Variants in MPRIP observed in about 807,000 individuals in gnomAD.
MPRIP encodes the protein myosin phosphatase Rho-interacting protein.
A neutral mutation model predicts 234.9 loss-of-function variants in MPRIP; 59 were observed. The observed-to-expected ratio is 0.25, with a 90% CI of 0.20 to 0.31. MPRIP has a LOEUF of 0.31. Ranked by LOEUF, MPRIP falls within the 10% of genes least tolerant of loss-of-function variation. The probability of loss-of-function intolerance (pLI) is 1.00; values close to 1 mark genes in which losing one functional copy is unlikely to be tolerated. For synonymous variants in MPRIP, 1,144 were observed against 1,263.9 expected, an observed-to-expected ratio of 0.91 and a Z score of 2.01; for missense variants, 2,436 against 3,071.0, an observed-to-expected ratio of 0.79 and a Z score of 4.89.
chr17:17,045,877 C>T (rs560261341), intron 1 of MPRIP, among the ~76,000 whole-genome samples: 1 of 150,798 alleles, frequency 6.6e-6, no homozygotes, highest in Non-Finnish European at 1.5e-5. Flanking sequence ...GCGATCTGAG[C>T]TCACTGCAAG....
chr17:17,067,755 G>A (rs1380053486), intron 1 of MPRIP, among the ~76,000 whole-genome samples: 1 of 139,754 alleles, frequency 7.2e-6, no homozygotes, highest in Non-Finnish European at 1.5e-5. Flanking sequence ...TTCATAAAAT[G>A]AATTGGAAAG....
At chr17:17,184,758 G>A in intron 23 of MPRIP, 65 bp from the exon 24 acceptor site, 1 of 1,328,982 alleles carries the variant, frequency 7.5e-7, no homozygotes, top group Non-Finnish European at 1.1e-6. Context: ...GTCTGGTCCG[G>A]TCCGGTCCAG....
intron 3 of MPRIP, among the ~76,000 whole-genome samples, chr17:17,084,563 G>A (rs1332625812): frequency 6.6e-6 from 1 of 152,256 alleles, no homozygotes; most frequent in East Asian, 1.9e-4. Flanking sequence ...TGTAGGCAAG[G>A]CAGACTCCTG....
At chr17:17,140,217 G>A (rs556219510) in intron 7 of MPRIP, among the ~76,000 whole-genome samples, 2 of 152,240 alleles carry the variant, frequency 1.3e-5, no homozygotes, top group African/African-American at 4.8e-5. Context: ...CTGGTTTAGC[G>A]CCAGACCACA....
chr17:17,117,846 CAT>C (rs1320633661), intron 3 of MPRIP, among the ~76,000 whole-genome samples: 4 of 152,260 alleles, frequency 2.6e-5, no homozygotes, highest in Non-Finnish European at 5.9e-5. Flanking sequence ...TACCATTTTA[CAT>C]TAGGGAAACT....
At chr17:17,099,621 G>T (rs1043343945) in intron 3 of MPRIP, among the ~76,000 whole-genome samples, 1 of 152,174 alleles carries the variant, frequency 6.6e-6, no homozygotes, top group African/African-American at 2.4e-5. Context: ...TAGCTACTTG[G>T]GAGGCTGAGG....
chr17:17,143,459 C>A, intron 8 of MPRIP, 97 bp from the exon 9 acceptor site: 1 of 716,366 alleles, frequency 1.4e-6, no homozygotes, highest in Non-Finnish European at 2.2e-6. Flanking sequence ...AGGAGCAAGG[C>A]CCTGGCGGCT....
intron 1 of MPRIP, among the ~76,000 whole-genome samples, chr17:17,065,180 A>G (rs575996681): frequency 3.5e-4 from 53 of 152,170 alleles, no homozygotes; most frequent in Admixed American, 1.1e-3. Context: ...AAATACTAGT[A>G]TATAGTCTAG....
At chr17:17,162,677 C>A (rs2045898942) in intron 15 of MPRIP, among the ~76,000 whole-genome samples, 1 of 152,132 alleles carries the variant, frequency 6.6e-6, no homozygotes, top group Non-Finnish European at 1.5e-5. Flanking sequence ...GAACTGGCTT[C>A]AAATCAGGTA....
chr17:17,166,991 A>G lies in MPRIP; in HGVS notation c.5400A>G (p.Leu1800=). Residue 1800 remains leucine, a synonymous_variant, in exon 16 of 24, where the codon TTA becomes TTG. Coordinates refer to ENST00000651222, the MANE Select transcript of MPRIP (RefSeq NM_001364716.4). The surrounding 1 kb of genome is among the most constrained non-coding windows in gnomAD (Gnocchi z 4.4). ...TCTTAGAGGAGATAGCGGCTGCCTT[A>G]CCATCTCTGCCACCTGTGGAATCGC... The part of the protein sequence containing the change: ...ASLLEEIAAA[L]PSLPPVESLR... 1 of 1,304,206 alleles carries G rather than the reference A, an allele frequency of 7.7e-7. No homozygotes were observed. Among genetic ancestry groups the G allele is most frequent in the Non-Finnish European group, 1.0e-6 (1 of 988,946 alleles). 80.8% of individuals were successfully genotyped at this position (1,304,206 alleles called of 1,614,324 possible). A position where few individuals can be genotyped will look rare whatever the true frequency, so the allele number is the denominator to read the frequency against.
intron 3 of MPRIP, among the ~76,000 whole-genome samples, chr17:17,085,303 A>G (rs1021243610): frequency 1.4e-4 from 22 of 152,092 alleles, no homozygotes; most frequent in African/African-American, 5.1e-4. Flanking sequence ...GTGTTTTCAG[A>G]ATCAGATCAT....
In MPRIP at chr17:17,165,417, G is replaced by A. The variant is rs201936686; in HGVS notation, c.3826G>A (p.Glu1276Lys). Residue 1276 changes from glutamate (E) to lysine (K), a missense_variant, in exon 16 of 24, where the codon GAA (glutamate) becomes AAA (lysine). By Grantham distance (56) the Glu-to-Lys change is moderately conservative. Coordinates refer to ENST00000651222, the MANE Select transcript of MPRIP (RefSeq NM_001364716.4). ...CGAGGACCTGGGGGCTCCTCCGGGG[G>A]AAGAGTACGGTGATGGCAGCCCCAG... ...EDEDLGAPPG[E>K]EYGDGSPSRE... 238 of 1,304,110 alleles carry A rather than the reference G, an allele frequency of 1.8e-4. 3 individuals carry two copies. Among genetic ancestry groups the A allele is most frequent in the Middle Eastern group, 2.1e-4 (1 of 4,720 alleles). 80.8% of individuals were successfully genotyped at this position (1,304,110 alleles called of 1,614,324 possible).
chr17:17,162,830 T>G (rs2045902291), intron 15 of MPRIP, among the ~76,000 whole-genome samples: 1 of 152,244 alleles, frequency 6.6e-6, no homozygotes, highest in Non-Finnish European at 1.5e-5. Context: ...GCTCACCCAG[T>G]AAGTAGAATG....
intron 3 of MPRIP, among the ~76,000 whole-genome samples, chr17:17,111,769 G>T (rs1479414946): frequency 2.6e-5 from 4 of 152,180 alleles, no homozygotes; most frequent in African/African-American, 9.7e-5. Flanking sequence ...CTTCCTGAGT[G>T]TGATGTCTGG....
intron 11 of MPRIP, 182 bp from the exon 12 acceptor site, chr17:17,149,962 G>A: frequency 1.8e-6 from 1 of 554,878 alleles, no homozygotes; most frequent in Non-Finnish European, 3.2e-6. Flanking sequence ...ACAGATGGTG[G>A]TGTGATTGCA....
chr17:17,130,570 A>G lies in MPRIP; in HGVS notation c.420-1047A>G, dbSNP rs921031138. Among the ~76,000 whole-genome samples, 15 of 151,890 alleles carry G rather than the reference A, an allele frequency of 9.9e-5. No individual in the cohort carries two copies. The East Asian group carries it at 3.0e-3, about 30-fold the overall frequency. On this transcript the variant is annotated intron_variant, in intron 4 of 23. Transcript: ENST00000651222. Reference sequence around the variant, plus strand: ...CGTGTGATCTCTAGCAGGATACAGCAGTACAGACCCCCCCATCCCCAACCC... The same window carrying G: ...CGTGTGATCTCTAGCAGGATACAGCGGTACAGACCCCCCCATCCCCAACCC...
At chr17:17,051,566 A>T (rs1414364675) in intron 1 of MPRIP, among the ~76,000 whole-genome samples, 1 of 152,168 alleles carries the variant, frequency 6.6e-6, no homozygotes, top group African/African-American at 2.4e-5. Flanking sequence ...GCCTTGGGTC[A>T]TCTCTGGGGC....
At position 17,154,291 on chromosome 17, in the gene MPRIP, A is replaced by G. The variant is rs758347980; in HGVS notation, c.1720-15A>G. 1.9e-6 allele frequency: 3 copies of G among 1,612,486 alleles called. No individual in the cohort carries two copies. The highest frequency in any genetic ancestry group is 2.5e-6 in the Non-Finnish European group (3 of 1,178,906). ...AGGGGACAGTCACTGATGGTGCCTCATCTTTTCTCTGTAGACAAAGGAGGG... is the reference window on the plus strand; with the variant it reads ...AGGGGACAGTCACTGATGGTGCCTCGTCTTTTCTCTGTAGACAAAGGAGGG... On this transcript the variant is annotated splice_polypyrimidine_tract_variant and intron_variant, in intron 12 of 23. Coordinates refer to ENST00000651222, the MANE Select transcript of MPRIP (RefSeq NM_001364716.4).
intron 3 of MPRIP, among the ~76,000 whole-genome samples, chr17:17,102,049 A>ATT (rs1171252325): frequency 6.6e-6 from 1 of 150,518 alleles, no homozygotes; most frequent in African/African-American, 2.5e-5. Context: ...TTTTTTTTTA[A>ATT]TTTTTTTTAT....
Sources: gnomAD v4.1 joint callset for allele counts (sites outside exome capture counted in the v4.1 genomes callset) on GRCh38, gnomAD v4.1.1 for gene constraint, Gnocchi (gnomAD v3.1) non-coding constraint, MANE v1.5 for transcripts, NCBI Gene and HGNC (gene_info 2026-07-23, HGNC 2026-07-21) for gene names.